The following ADARB2 variants were observed in gnomAD, a reference collection of about 807,000 sequenced individuals.
ADARB2 encodes the protein adenosine deaminase RNA specific B2 (inactive).
In ADARB2, 25 loss-of-function variants were observed where a neutral mutation model predicts 62.2. The ratio of observed to expected loss-of-function variants is 0.40; its 90% CI spans 0.29 to 0.56. ADARB2 has a LOEUF of 0.56. Ranked by LOEUF, ADARB2 falls within the 20% of genes least tolerant of loss-of-function variation. The probability of loss-of-function intolerance (pLI) is 0.43; values close to 1 mark genes in which losing one functional copy is unlikely to be tolerated. For synonymous variants in ADARB2, 572 were observed against 500.8 expected (o/e 1.14, Z -1.90); for missense variants, 1,071 against 1,077.4 (o/e 0.99, Z 0.08).
At chr10:1,269,471 G>T (rs1468776637) in intron 4 of ADARB2, among the ~76,000 whole-genome samples, 1 of 152,134 alleles carries the variant, frequency 6.6e-6, no homozygotes, top group Non-Finnish European at 1.5e-5. Context: ...ACTTGCCATG[G>T]GCTAGGTAAC....
rs576257114 is a variant in ADARB2, at chr10:1,389,911, T to C, written c.101-10751A>G. ...TGGAAAATGTCTTGGTTGTTAAACA[T>C]ACACCTTTCCTACGAATTACCACCT... On this transcript the variant is annotated intron_variant, in intron 1 of 9. Transcript: ENST00000381312. 9.3e-4 allele frequency among the ~76,000 whole-genome samples: 141 copies of C among 152,266 alleles called. 2 individuals are homozygous for C. The South Asian group carries it at 0.026, about 28-fold the overall frequency.
intron 1 of ADARB2, among the ~76,000 whole-genome samples, chr10:1,695,497 TAAAC>T (rs1281443737): frequency 6.6e-6 from 1 of 152,196 alleles, no homozygotes; most frequent in Non-Finnish European, 1.5e-5. Flanking sequence ...AAGAGCTTAT[TAAAC>T]AATCTCATAT....
At chr10:1,390,657 C>G (rs919599155) in intron 1 of ADARB2, among the ~76,000 whole-genome samples, 7 of 152,112 alleles carry the variant, frequency 4.6e-5, no homozygotes, top group African/African-American at 1.7e-4. Context: ...CTTTTTTATT[C>G]CCCCTATTTT....
chr10:1,405,174 A>T (rs1169156269), intron 1 of ADARB2, among the ~76,000 whole-genome samples: 1 of 152,234 alleles, frequency 6.6e-6, no homozygotes, highest in South Asian at 2.1e-4. Flanking sequence ...CCTGTGCCAG[A>T]TGCAGTAAGA....
At chr10:1,666,869 C>T (rs1356877885) in intron 1 of ADARB2, among the ~76,000 whole-genome samples, 1 of 152,154 alleles carries the variant, frequency 6.6e-6, no homozygotes, top group African/African-American at 2.4e-5. Flanking sequence ...TTCAACCCAT[C>T]AAAGTTGACC....
At chr10:1,349,886 G>A (rs538583404) in intron 3 of ADARB2, among the ~76,000 whole-genome samples, 1 of 152,150 alleles carries the variant, frequency 6.6e-6, no homozygotes, top group East Asian at 1.9e-4. Flanking sequence ...TCCCTTGGTG[G>A]CAGGTCAATT....
At chr10:1,338,627 C>A (rs1184783713) in intron 3 of ADARB2, among the ~76,000 whole-genome samples, 1 of 152,224 alleles carries the variant, frequency 6.6e-6, no homozygotes, top group Non-Finnish European at 1.5e-5. Context: ...CAATTTCTGT[C>A]TGTTTCATAA....
chr10:1,437,161 G>A (rs1284970142), intron 1 of ADARB2, among the ~76,000 whole-genome samples: 2 of 152,010 alleles, frequency 1.3e-5, no homozygotes, highest in African/African-American at 2.4e-5. Flanking sequence ...CTTTGTAAAA[G>A]ACGTAAATGG....
intron 1 of ADARB2, among the ~76,000 whole-genome samples, chr10:1,394,318 C>T (rs993759532): frequency 2.0e-5 from 3 of 152,206 alleles, no homozygotes; most frequent in African/African-American, 4.8e-5. Flanking sequence ...ATCCACTTAA[C>T]GCCATCCACC....
intron 1 of ADARB2, among the ~76,000 whole-genome samples, chr10:1,494,223 T>A (rs926455710): frequency 2.6e-5 from 4 of 152,206 alleles, no homozygotes; most frequent in Non-Finnish European, 5.9e-5. Flanking sequence ...TTTTCTCCTA[T>A]AAATAGACTT....
At chr10:1,279,304 ATTTGTTTG>A (rs59793564) in intron 3 of ADARB2, among the ~76,000 whole-genome samples, 7 of 151,892 alleles carry the variant, frequency 4.6e-5, no homozygotes, top group African/African-American at 1.7e-4. Flanking sequence ...CCATGGCATC[ATTTGTTTG>A]TTTGTTTGTC....
Position 1,398,860 on chromosome 10 carries a change from T to C in ADARB2, c.101-19700A>G, listed in dbSNP as rs949287560. On this transcript the variant is annotated intron_variant, in intron 1 of 9. Coordinates refer to ENST00000381312, the MANE Select transcript of ADARB2 (RefSeq NM_018702.4). The surrounding 1 kb of genome is among the most constrained non-coding windows in gnomAD (Gnocchi z 4.1). ...AGCAGCGCAGCCTGCACGAGGTTGC[T>C]GGGGGAAACAGACCGCTCTGTCTTT... 6.6e-6 allele frequency among the ~76,000 whole-genome samples: 1 copy of C among 152,086 alleles called. No homozygotes were observed. The highest frequency in any genetic ancestry group is 1.5e-5 in the Non-Finnish European group (1 of 68,014).
At chr10:1,468,313 G>A (rs1367367898) in intron 1 of ADARB2, among the ~76,000 whole-genome samples, 1 of 152,164 alleles carries the variant, frequency 6.6e-6, no homozygotes. Flanking sequence ...GGGGCTCTCT[G>A]GGAAAGCAGT....
At chr10:1,501,928 C>T (rs762530980) in intron 1 of ADARB2, among the ~76,000 whole-genome samples, 23 of 152,330 alleles carry the variant, frequency 1.5e-4, no homozygotes, top group African/African-American at 2.9e-4. Context: ...TCTCTTCTTT[C>T]GAAGAACTCT....
chr10:1,359,055 G>C (rs1030817430), intron 3 of ADARB2, among the ~76,000 whole-genome samples: 6 of 152,178 alleles, frequency 3.9e-5, no homozygotes, highest in South Asian at 2.1e-4. Flanking sequence ...AGAGATGTAG[G>C]TTTTGTGATT....
intron 4 of ADARB2, among the ~76,000 whole-genome samples, chr10:1,250,976 C>G (rs1262164625): frequency 6.6e-6 from 1 of 152,208 alleles, no homozygotes; most frequent in Admixed American, 6.5e-5. Context: ...AATCACATCT[C>G]AAACCACTGA....
intron 1 of ADARB2, among the ~76,000 whole-genome samples, chr10:1,684,090 G>A (rs994752458): frequency 1.3e-5 from 2 of 152,232 alleles, no homozygotes; most frequent in Admixed American, 6.5e-5. Context: ...ACATCTTAAC[G>A]AATTTAAATA....
intron 3 of ADARB2, among the ~76,000 whole-genome samples, chr10:1,343,635 A>G (rs1330548666): frequency 6.6e-6 from 1 of 152,228 alleles, no homozygotes; most frequent in African/African-American, 2.4e-5. Flanking sequence ...ATGCCCATCC[A>G]TTGTGGACTG....
intron 1 of ADARB2, among the ~76,000 whole-genome samples, chr10:1,598,366 A>G (rs919039463): frequency 5.9e-5 from 9 of 152,172 alleles, no homozygotes; most frequent in African/African-American, 2.2e-4. Context: ...CCCAGACTCC[A>G]CCACTATCCA....
Sources: gnomAD v4.1 joint callset for allele counts (sites outside exome capture counted in the v4.1 genomes callset) on GRCh38, gnomAD v4.1.1 for gene constraint, Gnocchi (gnomAD v3.1) non-coding constraint, MANE v1.5 for transcripts, NCBI Gene and HGNC (gene_info 2026-07-23, HGNC 2026-07-21) for gene names.